RPS6KC1: variants seen among roughly 807,000 people sequenced by gnomAD.
RPS6KC1 encodes the protein ribosomal protein S6 kinase C1.
RPS6KC1 carries 54 observed loss-of-function variants against 103.8 expected under a neutral mutation model. The ratio of observed to expected loss-of-function variants is 0.52; its 90% CI spans 0.42 to 0.65. The LOEUF (loss-of-function observed/expected upper bound fraction) is 0.65, where lower values mean the gene tolerates loss of function less well. Ranked by LOEUF, RPS6KC1 falls within the 30% of genes least tolerant of loss-of-function variation. RPS6KC1 has a pLI of 0.00. For synonymous variants in RPS6KC1, 439 were observed against 438.7 expected (o/e 1.00, Z -0.01); for missense variants, 1,151 against 1,253.8 (o/e 0.92, Z 1.24).
At chr1:213,149,388 C>T (rs2088326373) in intron 6 of RPS6KC1, among the ~76,000 whole-genome samples, 1 of 152,130 alleles carries the variant, frequency 6.6e-6, no homozygotes, top group Non-Finnish European at 1.5e-5. Flanking sequence ...CAGTTCTTTA[C>T]TTCTTCATTT....
intron 4 of RPS6KC1, among the ~76,000 whole-genome samples, chr1:213,109,293 C>G (rs371625973): frequency 1.3e-5 from 2 of 152,024 alleles, no homozygotes; most frequent in East Asian, 3.9e-4. Context: ...CCCGCCAGCA[C>G]GCCTGGCTAA....
the RPS6KC1 span, among the ~76,000 whole-genome samples, chr1:213,672,301 A>G: frequency 4.0e-5 from 6 of 151,756 alleles, no homozygotes; most frequent in Non-Finnish European, 7.4e-5. Flanking sequence ...TTTCTCATCC[A>G]CTCTTGAAAG....
At chr1:213,680,865 C>T in the RPS6KC1 span, among the ~76,000 whole-genome samples, 1 of 152,176 alleles carries the variant, frequency 6.6e-6, no homozygotes, top group Non-Finnish European at 1.5e-5. Flanking sequence ...TGTGACTGGG[C>T]TCAAAATGGC....
the RPS6KC1 span, among the ~76,000 whole-genome samples, chr1:213,442,370 G>T: frequency 6.6e-6 from 1 of 152,166 alleles, no homozygotes; most frequent in Admixed American, 6.5e-5. Flanking sequence ...TTTTTTGATG[G>T]AATGAAAGAA....
At chr1:213,710,483 G>A in the RPS6KC1 span, among the ~76,000 whole-genome samples, 1 of 152,094 alleles carries the variant, frequency 6.6e-6, no homozygotes, top group African/African-American at 2.4e-5. Flanking sequence ...TGCCACCTGT[G>A]TCTTTTAATT....
chr1:213,186,630 A>AT (rs1296164847), intron 8 of RPS6KC1, among the ~76,000 whole-genome samples: 3 of 152,026 alleles, frequency 2.0e-5, no homozygotes, highest in Admixed American at 2.0e-4. Context: ...TTTCGGAAAA[A>AT]TTTCTGTTAT....
At chr1:213,700,567 A>AT in the RPS6KC1 span, among the ~76,000 whole-genome samples, 27,570 of 148,744 alleles carry the variant, frequency 0.19, 3,284 homozygotes, top group African/African-American at 0.35. Flanking sequence ...AAATTTTAGG[A>AT]TTTTTTTTTT....
chr1:213,654,446 A>C, the RPS6KC1 span, among the ~76,000 whole-genome samples: 2 of 152,316 alleles, frequency 1.3e-5, no homozygotes, highest in Non-Finnish European at 2.9e-5. Flanking sequence ...TTGAATCTCC[A>C]CCTTTCACTA....
At chr1:213,576,269 T>C in the RPS6KC1 span, among the ~76,000 whole-genome samples, 1 of 151,972 alleles carries the variant, frequency 6.6e-6, no homozygotes, top group Non-Finnish European at 1.5e-5. Flanking sequence ...AGTATAACAA[T>C]TACTTACCTA....
chr1:213,710,342 G>C, the RPS6KC1 span, among the ~76,000 whole-genome samples: 1 of 151,790 alleles, frequency 6.6e-6, no homozygotes, highest in African/African-American at 2.4e-5. Context: ...TGCAGCCCCT[G>C]CTTTTTTTTG....
Position 213,194,002 on chromosome 1 carries a change from G to A in RPS6KC1, c.1044+17510G>A, listed in dbSNP as rs550374892. The stretch of plus-strand genomic sequence containing the variant: ...GCTTTATATATCTGGGTGCTCCAGT[G>A]CTGGGTGCATATATATTTACAATTA... On this transcript the variant is annotated intron_variant, in intron 8 of 14. Coordinates refer to ENST00000366960, the MANE Select transcript of RPS6KC1 (RefSeq NM_012424.6). Among the ~76,000 whole-genome samples, 3 of 152,174 alleles carry A rather than the reference G, an allele frequency of 2.0e-5. No homozygotes were observed. In the South Asian group the frequency reaches 6.2e-4, roughly 32 times the overall value.
intron 12 of RPS6KC1, among the ~76,000 whole-genome samples, chr1:213,255,777 A>C (rs1380564942): frequency 2.0e-5 from 3 of 152,238 alleles, no homozygotes; most frequent in Non-Finnish European, 4.4e-5. Flanking sequence ...AAGAAATTCT[A>C]CAACTGCTTA....
Position 213,104,585 on chromosome 1 carries a change from T to C in RPS6KC1, c.378+16T>C, listed in dbSNP as rs753109499. ...CTTTTTCAAGGTTTGGTAGTCTTTC[T>C]GGAATATTTTATATCTTATTAAATA... On this transcript the variant is annotated intron_variant, in intron 4 of 14. Transcript: ENST00000366960. 4 of 1,361,480 alleles carry C rather than the reference T, an allele frequency of 2.9e-6. No homozygotes were observed. 84.3% of individuals were successfully genotyped at this position (1,361,480 alleles called of 1,614,324 possible).
At chr1:213,726,826 C>A in the RPS6KC1 span, among the ~76,000 whole-genome samples, 1 of 152,218 alleles carries the variant, frequency 6.6e-6, no homozygotes, top group African/African-American at 2.4e-5. Context: ...TGAAGCTAAC[C>A]CATAAAAGGC....
At chr1:213,711,622 G>T in the RPS6KC1 span, among the ~76,000 whole-genome samples, 8 of 152,122 alleles carry the variant, frequency 5.3e-5, no homozygotes, top group African/African-American at 1.4e-4. Context: ...CCCTTTTTGT[G>T]CTGGTTTTTC....
chr1:213,363,674 CTTTCTTTCTT>C, the RPS6KC1 span, among the ~76,000 whole-genome samples: 1 of 103,316 alleles, frequency 9.7e-6, no homozygotes, highest in South Asian at 2.8e-4. Flanking sequence ...TTCTTTCTTT[CTTTCTTTCTT>C]TCTTTCTTTC....
chr1:213,685,612 A>G, the RPS6KC1 span, among the ~76,000 whole-genome samples: 3 of 151,536 alleles, frequency 2.0e-5, no homozygotes, highest in Admixed American at 6.6e-5. Context: ...CCTGGCTGAA[A>G]AAGTGAGACT....
At chr1:213,429,302 T>A in the RPS6KC1 span, among the ~76,000 whole-genome samples, 6 of 152,086 alleles carry the variant, frequency 3.9e-5, no homozygotes, top group African/African-American at 1.4e-4. Context: ...CACAGGCATA[T>A]ACCACCATGC....
the RPS6KC1 span, among the ~76,000 whole-genome samples, chr1:213,549,612 CTTTTTTTTTTTT>C: frequency 1.1e-3 from 94 of 86,912 alleles, 2 homozygotes; most frequent in Middle Eastern, 6.8e-3. Flanking sequence ...TTTTCTTTTC[CTTTTTTTTTTTT>C]TTTTTTTTTT....
Sources: gnomAD v4.1 joint callset for allele counts (sites outside exome capture counted in the v4.1 genomes callset) on GRCh38, gnomAD v4.1.1 for gene constraint, MANE v1.5 for transcripts, NCBI Gene and HGNC (gene_info 2026-07-23, HGNC 2026-07-21) for gene names.